The following PNLIPRP3 variants were observed in gnomAD, a reference collection of about 807,000 sequenced individuals.
PNLIPRP3 encodes pancreatic lipase related protein 3.
Under a neutral mutation model 52.8 loss-of-function variants are expected in PNLIPRP3, and 58 were observed. The ratio of observed to expected loss-of-function variants is 1.10; its 90% confidence interval spans 0.89 to 1.37. The LOEUF (loss-of-function observed/expected upper bound fraction) is 1.37, where lower values mean the gene tolerates loss of function less well. Ranked by LOEUF, PNLIPRP3 falls within the 40% of genes most tolerant of loss-of-function variation. The pLI, the probability that PNLIPRP3 is intolerant of heterozygous loss-of-function variation, is 0.00. For missense variants in PNLIPRP3, 593 were observed against 561.6 expected, an observed-to-expected ratio of 1.06 and a Z score of -0.57; for synonymous variants, 192 against 185.0, an observed-to-expected ratio of 1.04 and a Z score of -0.31.
rs1257536941 is a variant in PNLIPRP3 at position 116,477,258 on chromosome 10, CATTTACA to C, written c.*107_*113del. 4.6e-6 allele frequency: 4 copies of C among 874,494 alleles called. No individual in the cohort carries two copies. In the East Asian group the frequency reaches 1.0e-4, roughly 22 times the overall value. 54.2% of individuals were successfully genotyped at this position (874,494 alleles called of 1,614,324 possible). On this transcript the variant is annotated 3_prime_UTR_variant, in exon 12 of 12. Transcript: ENST00000369230. ...ATTTGACCCTTGTAAATGACTTAGTCATTTACAAGGGTCTTACTCAGAGTCAAGTACG... is the reference window on the plus strand; with the variant it reads ...ATTTGACCCTTGTAAATGACTTAGTCAGGGTCTTACTCAGAGTCAAGTACG...
intron 7 of PNLIPRP3, among the ~76,000 whole-genome samples, chr10:116,464,832 G>A (rs928812452): frequency 1.3e-5 from 2 of 152,162 alleles, no homozygotes; most frequent in African/African-American, 4.8e-5. Context: ...AGCGAATAGG[G>A]GTGTGTCTCA....
chr10:116,442,108 T>C (rs1845866829), intron 2 of PNLIPRP3, among the ~76,000 whole-genome samples: 1 of 152,226 alleles, frequency 6.6e-6, no homozygotes, highest in South Asian at 2.1e-4. Flanking sequence ...ACTGTCAGAC[T>C]TGCTATTTGC....
intron 2 of PNLIPRP3, chr10:116,440,154 A>G (rs975090605): frequency 6.7e-6 from 4 of 596,164 alleles, no homozygotes; most frequent in African/African-American, 5.6e-5. Flanking sequence ...TGTTCAGGGC[A>G]TATTTATCCA....
In PNLIPRP3 at chr10:116,476,772, G is replaced by T. The variant is rs774252681; in HGVS notation, c.1293G>T (p.Lys431Asn). 5 of 1,610,494 alleles carry T rather than the reference G, an allele frequency of 3.1e-6. No homozygotes were observed. The highest frequency in any genetic ancestry group is 4.2e-6 in the Non-Finnish European group (5 of 1,178,386). Residue 431 changes from lysine (K) to asparagine (N), a missense_variant, in exon 11 of 12, where the codon AAG becomes AAT. By Grantham distance (94) the Lys-to-Asn change is moderately conservative. Coordinates refer to ENST00000369230, the MANE Select transcript of PNLIPRP3 (RefSeq NM_001011709.3). ...KKHLFEDSQN[K>N]LGAEMVINTS... is the part of the protein sequence containing the mutation. ...ATTTGTTTGAAGATTCTCAGAATAA[G>T]TTGGGAGCAGAAATGGTGATAAATA...
At position 116,476,634 on chromosome 10, in the gene PNLIPRP3, T is replaced by A. The variant is rs772190833; in HGVS notation, c.1173-18T>A. On this transcript the variant is annotated intron_variant, in intron 10 of 11. Coordinates refer to ENST00000369230, the MANE Select transcript of PNLIPRP3 (RefSeq NM_001011709.3). ...TGAATACCCAGTGCAAACTTACGAG[T>A]CTTATTTTTGTTTACAGTGGAAAAC... 1.3e-5 allele frequency: 20 copies of A among 1,546,964 alleles called. No homozygotes were observed. Among genetic ancestry groups the A allele is most frequent in the Non-Finnish European group, 1.7e-5 (20 of 1,149,744 alleles).
chr10:116,448,551 T>A (rs1370575992), intron 4 of PNLIPRP3, among the ~76,000 whole-genome samples: 2 of 152,122 alleles, frequency 1.3e-5, no homozygotes, highest in African/African-American at 4.8e-5. Context: ...ACAATTTTTT[T>A]AAATGGTAAT....
At chr10:116,460,365 C>T (rs191736806) in intron 5 of PNLIPRP3, among the ~76,000 whole-genome samples, 241 of 152,264 alleles carry the variant, frequency 1.6e-3, no homozygotes, top group African/African-American at 5.7e-3. Context: ...CTATCTTGCC[C>T]TTATTTTACG....
At chr10:116,447,368 C>A (rs1056611708) in intron 4 of PNLIPRP3, among the ~76,000 whole-genome samples, 8 of 152,130 alleles carry the variant, frequency 5.3e-5, no homozygotes, top group African/African-American at 1.9e-4. Flanking sequence ...TGAACACCCT[C>A]GCAGAGGTGG....
intron 9 of PNLIPRP3, among the ~76,000 whole-genome samples, chr10:116,471,299 GAAT>G (rs1467601990): frequency 2.0e-5 from 3 of 152,142 alleles, no homozygotes; most frequent in Non-Finnish European, 4.4e-5. Context: ...AGGAGAAGAA[GAAT>G]GACTCACTTT....
intron 4 of PNLIPRP3, among the ~76,000 whole-genome samples, chr10:116,448,658 G>A (rs1013930921): frequency 1.3e-5 from 2 of 152,006 alleles, no homozygotes; most frequent in African/African-American, 4.8e-5. Flanking sequence ...ACAAGCCTGG[G>A]CAACATAGTG....
intron 9 of PNLIPRP3, among the ~76,000 whole-genome samples, chr10:116,470,926 A>G (rs960160886): frequency 8.5e-5 from 13 of 152,162 alleles, no homozygotes; most frequent in Non-Finnish European, 1.8e-4. Context: ...ATGAAGAAAC[A>G]GTTCAACCCT....
At position 116,461,304 on chromosome 10, in the gene PNLIPRP3, A is replaced by G; in HGVS notation, c.808+14A>G. 6.2e-7 allele frequency: 1 copy of G among 1,609,054 alleles called. No homozygotes were observed. Among genetic ancestry groups the G allele is most frequent in the Non-Finnish European group, 8.5e-7 (1 of 1,175,704 alleles). On this transcript the variant is annotated intron_variant, in intron 7 of 11. Coordinates refer to ENST00000369230, the MANE Select transcript of PNLIPRP3 (RefSeq NM_001011709.3). Reference sequence around the variant, plus strand: ...CTTACAAAAAAGGTAAATACTTTCTAAACTATGAATGCTACTGATGCATAT... The same window carrying G: ...CTTACAAAAAAGGTAAATACTTTCTGAACTATGAATGCTACTGATGCATAT...
chr10:116,429,538 T>C (rs1210089855), intron 1 of PNLIPRP3, among the ~76,000 whole-genome samples: 1 of 152,210 alleles, frequency 6.6e-6, no homozygotes, highest in Non-Finnish European at 1.5e-5. Context: ...TTGGCCAATC[T>C]TGACTTTCAG....
At chr10:116,453,386 C>T (rs764155499) in intron 4 of PNLIPRP3, among the ~76,000 whole-genome samples, 3 of 151,916 alleles carry the variant, frequency 2.0e-5, no homozygotes, top group Non-Finnish European at 2.9e-5. Context: ...TGAGTTGATG[C>T]TAGAATGATT....
At chr10:116,470,873 G>A (rs1846359852) in intron 9 of PNLIPRP3, among the ~76,000 whole-genome samples, 1 of 152,054 alleles carries the variant, frequency 6.6e-6, no homozygotes, top group African/African-American at 2.4e-5. Context: ...TATTTCCTTT[G>A]TATTGTGGTC....
intron 4 of PNLIPRP3, among the ~76,000 whole-genome samples, chr10:116,448,981 A>G (rs902913999): frequency 1.4e-5 from 2 of 146,166 alleles, no homozygotes; most frequent in African/African-American, 2.6e-5. Context: ...GTGCCATTAC[A>G]CTCCAGCCTT....
intron 1 of PNLIPRP3, 108 bp from the exon 2 acceptor site, chr10:116,436,603 A>G: frequency 8.7e-7 from 1 of 1,152,408 alleles, no homozygotes; most frequent in Admixed American, 2.6e-5. Context: ...CATAAATCCA[A>G]TAAGGGGTTA....
chr10:116,466,529 G>A (rs1846284216), intron 8 of PNLIPRP3, among the ~76,000 whole-genome samples: 1 of 152,148 alleles, frequency 6.6e-6, no homozygotes, highest in Admixed American at 6.5e-5. Flanking sequence ...CCCTAAGAAG[G>A]CTGAACCAAT....
chr10:116,452,072 A>G (rs958915685), intron 4 of PNLIPRP3, among the ~76,000 whole-genome samples: 2 of 152,212 alleles, frequency 1.3e-5, no homozygotes, highest in Non-Finnish European at 2.9e-5. Context: ...TCAGATAGAA[A>G]TGACAAAGTT....
Sources: gnomAD v4.1 joint callset for allele counts (sites outside exome capture counted in the v4.1 genomes callset) on GRCh38, gnomAD v4.1.1 for gene constraint, MANE v1.5 for transcripts, NCBI Gene and HGNC (gene_info 2026-07-23, HGNC 2026-07-21) for gene names.